TRPC4: variants seen among roughly 807,000 people sequenced by gnomAD.
The protein encoded by TRPC4 is transient receptor potential cation channel subfamily C member 4.
Under a neutral mutation model 99.4 loss-of-function variants are expected in TRPC4, and 49 were observed. That is an observed-to-expected ratio of 0.49 (90% confidence interval 0.39 to 0.63). The LOEUF is 0.63. TRPC4 is among the 20% of genes least tolerant of loss of function. The pLI is 0.00. For missense variants in TRPC4, 898 were observed against 1,152.9 expected, an observed-to-expected ratio of 0.78 and a Z score of 3.20; for synonymous variants, 454 against 425.9, an observed-to-expected ratio of 1.07 and a Z score of -0.81.
At chr13:37,831,053 T>C (rs1176407906) in intron 1 of TRPC4, among the ~76,000 whole-genome samples, 1 of 151,620 alleles carries the variant, frequency 6.6e-6, no homozygotes, top group Non-Finnish European at 1.5e-5. Flanking sequence ...AATTTTGCCT[T>C]GTCTCTTCGC....
intron 4 of TRPC4, among the ~76,000 whole-genome samples, chr13:37,685,019 G>GA (rs1262730147): frequency 6.6e-6 from 1 of 152,088 alleles, no homozygotes; most frequent in Non-Finnish European, 1.5e-5. Flanking sequence ...TTTTAGATTA[G>GA]AAAAAAGGCA....
At chr13:37,642,861 G>T (rs1165637753) in intron 8 of TRPC4, among the ~76,000 whole-genome samples, 1 of 151,634 alleles carries the variant, frequency 6.6e-6, no homozygotes, top group Non-Finnish European at 1.5e-5. Flanking sequence ...CTCCTGAGTA[G>T]CTAGGATTAC....
rs1953555874 is a variant in TRPC4, at chr13:37,688,174, A to C, written c.1234+3825T>G. Among the ~76,000 whole-genome samples the C allele has an allele frequency of 3.3e-5, 5 of 152,336 alleles. No individual in the cohort carries two copies. The South Asian group carries it at 8.3e-4, about 25-fold the overall frequency. Reference sequence around the variant, plus strand: ...CAAATACAAGCAAGTCTGAAGTAAAAATAATTCTGAAAGCTTTGTTGGGCG... The same window carrying C: ...CAAATACAAGCAAGTCTGAAGTAAACATAATTCTGAAAGCTTTGTTGGGCG... On this transcript the variant is annotated intron_variant, in intron 4 of 10. Transcript: ENST00000379705.
intron 3 of TRPC4, among the ~76,000 whole-genome samples, chr13:37,715,265 C>T (rs994425542): frequency 6.6e-6 from 1 of 152,046 alleles, no homozygotes; most frequent in African/African-American, 2.4e-5. Context: ...CATTTGCAGG[C>T]CAGATATGCA....
intron 1 of TRPC4, among the ~76,000 whole-genome samples, chr13:37,830,189 A>T (rs1289594): frequency 0.33 from 49,794 of 151,872 alleles, 8,463 homozygotes; most frequent in East Asian, 0.53. Context: ...TTAATTTTTT[A>T]AAAAGTTGAG....
chr13:37,728,617 T>A (rs1207090025), intron 3 of TRPC4, among the ~76,000 whole-genome samples: 1 of 151,946 alleles, frequency 6.6e-6, no homozygotes, highest in Non-Finnish European at 1.5e-5. Context: ...CCAAAGCAAT[T>A]TACAGACTCA....
intron 3 of TRPC4, among the ~76,000 whole-genome samples, chr13:37,743,270 T>C (rs1284054862): frequency 6.6e-6 from 1 of 152,136 alleles, no homozygotes; most frequent in Non-Finnish European, 1.5e-5. Context: ...TTATGTTTTA[T>C]CTTGTATTAT....
At chr13:37,642,404 G>A (rs186740010) in intron 8 of TRPC4, among the ~76,000 whole-genome samples, 1 of 152,190 alleles carries the variant, frequency 6.6e-6, no homozygotes, top group East Asian at 1.9e-4. Flanking sequence ...ACAACATGTC[G>A]CTACTGAGAA....
At chr13:37,815,379 C>A (rs1469352850) in intron 1 of TRPC4, among the ~76,000 whole-genome samples, 2 of 151,824 alleles carry the variant, frequency 1.3e-5, no homozygotes, top group African/African-American at 4.8e-5. Context: ...ATACCCATCT[C>A]ACATGCAATG....
At chr13:37,674,124 C>T (rs1048491575) in intron 5 of TRPC4, 104 bp downstream of exon 5, 54 of 1,131,580 alleles carry the variant, frequency 4.8e-5, no homozygotes, top group African/African-American at 1.3e-4. Flanking sequence ...ATACGACATC[C>T]GGAAAAAGCT....
intron 2 of TRPC4, among the ~76,000 whole-genome samples, chr13:37,750,509 A>G (rs547080684): frequency 6.6e-6 from 1 of 152,110 alleles, no homozygotes; most frequent in Non-Finnish European, 1.5e-5. Context: ...GTTTCAATGG[A>G]TATAATCATA....
At chr13:37,782,874 TAAAAAAAAAAAAAGAAAG>T in intron 2 of TRPC4, 64 bp downstream of exon 2, 1 of 970,872 alleles carries the variant, frequency 1.0e-6, no homozygotes. Flanking sequence ...TTTGAAAATC[TAAAAAAAAAAAAAGAAAG>T]AAAAGAAAAA....
intron 1 of TRPC4, among the ~76,000 whole-genome samples, chr13:37,866,718 G>A (rs913798536): frequency 6.6e-5 from 10 of 151,568 alleles, no homozygotes; most frequent in African/African-American, 2.4e-4. Context: ...CAATGCCTCT[G>A]GAAGGGTGAG....
chr13:37,818,311 G>T (rs1362575494), intron 1 of TRPC4, among the ~76,000 whole-genome samples: 1 of 152,120 alleles, frequency 6.6e-6, no homozygotes, highest in Non-Finnish European at 1.5e-5. Context: ...ACAGATGCTG[G>T]AGAGGATGTG....
chr13:37,745,582 A>G (rs1261190186), intron 3 of TRPC4, among the ~76,000 whole-genome samples: 1 of 148,946 alleles, frequency 6.7e-6, no homozygotes, highest in African/African-American at 2.5e-5. Context: ...TCCATTCAGC[A>G]GGTGAGAATA....
intron 2 of TRPC4, among the ~76,000 whole-genome samples, chr13:37,780,979 G>A (rs1020266064): frequency 8.6e-5 from 13 of 151,964 alleles, no homozygotes; most frequent in Admixed American, 8.5e-4. Context: ...CTGGCAGATG[G>A]CAAACCTTGA....
At chr13:37,705,890 G>A (rs1445640130) in intron 3 of TRPC4, among the ~76,000 whole-genome samples, 1 of 152,068 alleles carries the variant, frequency 6.6e-6, no homozygotes, top group Non-Finnish European at 1.5e-5. Context: ...CACCGTTACA[G>A]GTTTGTGTAT....
chr13:37,847,581 TC>T (rs1277393831), intron 1 of TRPC4, among the ~76,000 whole-genome samples: 9 of 152,236 alleles, frequency 5.9e-5, no homozygotes, highest in African/African-American at 2.2e-4. Flanking sequence ...CCTAATTTGA[TC>T]ATTATAAAAT....
intron 1 of TRPC4, among the ~76,000 whole-genome samples, chr13:37,801,614 T>A (rs1338564292): frequency 6.6e-6 from 1 of 152,132 alleles, no homozygotes; most frequent in Non-Finnish European, 1.5e-5. Context: ...CATTTATTAA[T>A]CTATGAACAC....
Sources: gnomAD v4.1 joint callset for allele counts (sites outside exome capture counted in the v4.1 genomes callset) on GRCh38, gnomAD v4.1.1 for gene constraint, MANE v1.5 for transcripts, NCBI Gene and HGNC (gene_info 2026-07-23, HGNC 2026-07-21) for gene names.